PITPNM2: variants seen among roughly 807,000 people sequenced by gnomAD.
The protein encoded by PITPNM2 is phosphatidylinositol transfer protein membrane associated 2, also known as membrane-associated phosphatidylinositol transfer protein 2.
Under a neutral mutation model 132.2 loss-of-function variants are expected in PITPNM2, and 35 were observed. That is an observed-to-expected ratio of 0.26 (90% confidence interval 0.20 to 0.35). The LOEUF (loss-of-function observed/expected upper bound fraction) is 0.35. Among genes scored for constraint, PITPNM2 ranks in the 10% least tolerant of loss-of-function variants. The probability of loss-of-function intolerance (pLI) is 1.00; values close to 1 mark genes in which losing one functional copy is unlikely to be tolerated. For missense variants in PITPNM2, 1,332 were observed against 1,912.0 expected (o/e 0.70, Z 5.66); for synonymous variants, 738 against 799.2 (o/e 0.92, Z 1.29).
intron 2 of PITPNM2, among the ~76,000 whole-genome samples, chr12:123,056,950 T>C (rs1010719621): frequency 2.0e-5 from 3 of 152,150 alleles, no homozygotes; most frequent in Non-Finnish European, 4.4e-5. Context: ...AGGCCACCGA[T>C]CTGCTGCTCA....
Position 122,997,495 on chromosome 12 carries a change from G to A in PITPNM2, c.1302C>T (p.Ile434=), listed in dbSNP as rs1566236939. ...VLLLVLHGGT[I]LDTGAGDPSS... is the part of the protein sequence containing the mutation. ...TGGGGTCCCCGGCGCCTGTGTCCAG[G>A]ATGGTGCCTCCGTGCAGCACCAGTA... The change falls in exon 11 of 26, where the codon ATC becomes ATT. Residue 434 remains isoleucine (I), a synonymous_variant. Transcript: ENST00000320201. 6.2e-7 allele frequency: 1 copy of A among 1,613,552 alleles called. No homozygotes were observed. The highest frequency in any genetic ancestry group is 8.5e-7 in the Non-Finnish European group (1 of 1,180,018).
At chr12:123,119,444 G>A (rs573280835) in intron 1 of PITPNM2, among the ~76,000 whole-genome samples, 58 of 146,210 alleles carry the variant, frequency 4.0e-4, no homozygotes, top group Non-Finnish European at 7.3e-4. Flanking sequence ...TGCAAGCTCC[G>A]CCTCCCAGCT....
At chr12:123,007,071 G>A (rs922120142) in intron 6 of PITPNM2, among the ~76,000 whole-genome samples, 5 of 152,156 alleles carry the variant, frequency 3.3e-5, no homozygotes, top group Middle Eastern at 3.2e-3. Context: ...AGTTGGCCCC[G>A]AATTTTGCTT....
At chr12:123,129,306 C>T (rs1203875662) in intron 1 of PITPNM2, among the ~76,000 whole-genome samples, 1 of 151,918 alleles carries the variant, frequency 6.6e-6, no homozygotes, top group Non-Finnish European at 1.5e-5. Flanking sequence ...TGGTGGCTCA[C>T]GCCTGTAATC....
At chr12:123,086,675 A>T (rs1034949894) in intron 2 of PITPNM2, among the ~76,000 whole-genome samples, 1 of 152,222 alleles carries the variant, frequency 6.6e-6, no homozygotes, top group African/African-American at 2.4e-5. Flanking sequence ...CAGGACATAC[A>T]GCCAAGAGGT....
At position 122,995,673 on chromosome 12, in the gene PITPNM2, C is replaced by G; in HGVS notation, c.1783-13G>C. 2 of 1,572,514 alleles carry G rather than the reference C, an allele frequency of 1.3e-6. No homozygotes were observed. The highest frequency in any genetic ancestry group is 1.7e-6 in the Non-Finnish European group (2 of 1,162,498). ...GCAGGTCATTGTCCTGGAACGGCCC[C>G]GTGGAGGCTCACTGCCAGGTGGCCG... is the stretch of plus-strand genomic sequence containing the variant. On this transcript the variant is annotated splice_polypyrimidine_tract_variant and intron_variant, in intron 13 of 25. Transcript: ENST00000320201.
At chr12:123,094,988 C>T (rs1418170399) in intron 2 of PITPNM2, among the ~76,000 whole-genome samples, 14 of 152,330 alleles carry the variant, frequency 9.2e-5, no homozygotes, top group Admixed American at 3.3e-4. Context: ...TTCTGGGCTT[C>T]GTGGCGCACT....
chr12:123,013,922 T>C lies in PITPNM2; in HGVS notation c.199A>G (p.Met67Val), dbSNP rs746746318. Residue 67 changes from methionine (M) to valine (V), a missense_variant, in exon 4 of 26, where the codon ATG (methionine) becomes GTG (valine). By Grantham distance (21) the Met-to-Val change is conservative. This residue lies in a region of PITPNM2 where 83 missense variants were observed against 118.7 expected (regional missense o/e 0.70). Coordinates refer to ENST00000320201, the MANE Select transcript of PITPNM2 (RefSeq NM_020845.3). ...GAGCGGAACCAGCTGGGAATGTGCA[T>C]GCCCACATGATACACCTTGTGTGTG... is the stretch of plus-strand genomic sequence containing the variant. ...QYTHKVYHVG[M>V]HIPSWFRSIL... 1.2e-6 allele frequency: 2 copies of C among 1,614,160 alleles called. No homozygotes were observed. The highest frequency in any genetic ancestry group is 2.2e-5 in the East Asian group (1 of 44,904).
At chr12:123,049,906 CA>C (rs1331638016) in intron 2 of PITPNM2, among the ~76,000 whole-genome samples, 2 of 152,198 alleles carry the variant, frequency 1.3e-5, no homozygotes, top group Non-Finnish European at 2.9e-5. Context: ...CAAATGTTCA[CA>C]AAAAAACCCT....
intron 2 of PITPNM2, among the ~76,000 whole-genome samples, chr12:123,109,127 AC>A (rs2137312957): frequency 6.6e-6 from 1 of 151,854 alleles, no homozygotes; most frequent in Admixed American, 6.6e-5. Context: ...CATTAAACCT[AC>A]CCCCACCAGC....
In PITPNM2 at chr12:123,004,127, G is replaced by A. The variant is rs778448788; in HGVS notation, c.1048+267C>T. ...TATCCTTATTTGGGGTTTCAAGAGC[G>A]CAGTCCCCATCTGCCAGGCCCACAG... is the stretch of plus-strand genomic sequence containing the variant. On this transcript the variant is annotated intron_variant, in intron 8 of 25. Coordinates refer to ENST00000320201, the MANE Select transcript of PITPNM2 (RefSeq NM_020845.3). The surrounding 1 kb of genome is among the most constrained non-coding windows in gnomAD (Gnocchi z 4.9). Among the ~76,000 whole-genome samples the A allele has an allele frequency of 5.9e-5, 9 of 152,168 alleles. No homozygotes were observed. Among genetic ancestry groups the A allele is most frequent in the Non-Finnish European group, 1.0e-4 (7 of 68,026 alleles).
chr12:123,052,086 T>G (rs1013730945), intron 2 of PITPNM2, among the ~76,000 whole-genome samples: 7 of 147,676 alleles, frequency 4.7e-5, no homozygotes, highest in Admixed American at 6.7e-5. Context: ...TGTTTTTTTT[T>G]TTTTTTTTTT....
In PITPNM2 at chr12:122,996,438, C is replaced by T; in HGVS notation, c.1782+20G>A. On this transcript the variant is annotated intron_variant, in intron 13 of 25. Transcript: ENST00000320201. The stretch of plus-strand genomic sequence containing the variant: ...GGAGGCTTCAGGCCTTGGGGACTGT[C>T]TGGGCCCCCACTTGGGTACCTGCAT... 1 of 1,612,516 alleles carries T rather than the reference C, an allele frequency of 6.2e-7. No individual in the cohort carries two copies.
At chr12:123,050,393 C>T (rs2040819604) in intron 2 of PITPNM2, among the ~76,000 whole-genome samples, 1 of 152,174 alleles carries the variant, frequency 6.6e-6, no homozygotes, top group Non-Finnish European at 1.5e-5. Flanking sequence ...ACACAAAAGC[C>T]CAGAGGGACT....
Position 123,005,623 on chromosome 12 carries a change from G to A in PITPNM2, c.644-75C>T. 1 of 1,446,002 alleles carries A rather than the reference G, an allele frequency of 6.9e-7. No homozygotes were observed. The highest frequency in any genetic ancestry group is 9.4e-7 in the Non-Finnish European group (1 of 1,062,218). The allele number at this position is 1,446,002 out of a possible 1,614,324, so 89.6% of individuals were successfully genotyped here. ...CGCAGGAGCCTGCACGGAAGTGTGG[G>A]GCCCAGGCAGGGGCTTTGGGAGGCT... On this transcript the variant is annotated intron_variant, in intron 6 of 25. Transcript: ENST00000320201. The surrounding 1 kb of genome is among the most constrained non-coding windows in gnomAD (Gnocchi z 6.2).
intron 2 of PITPNM2, among the ~76,000 whole-genome samples, chr12:123,079,338 CTT>C (rs1291691077): frequency 9.4e-6 from 1 of 106,930 alleles, no homozygotes; most frequent in South Asian, 3.3e-4. Context: ...ACTTCTTTTT[CTT>C]TTTTCTTTTC....
intron 17 of PITPNM2, 106 bp from the exon 18 acceptor site, chr12:122,990,054 T>C: frequency 1.0e-6 from 1 of 988,794 alleles, no homozygotes; most frequent in African/African-American, 1.7e-5. Flanking sequence ...CCTGGAGCTA[T>C]CAAGGGCGAG....
Position 122,992,653 on chromosome 12 carries a change from C to G in PITPNM2, c.2250G>C (p.Pro750=), listed in dbSNP as rs778101863. 6.4e-7 allele frequency: 1 copy of G among 1,558,870 alleles called. No individual in the cohort carries two copies. Among genetic ancestry groups the G allele is most frequent in the Admixed American group, 1.8e-5 (1 of 55,226 alleles). ...AGAGGTTGTAGACTTGCTGGCAGGC[C>G]GGCCGCAGCTGGAAAACTGGGGGTG... ...IPALDVFQLR[P]ACQQVYNLFH... The change falls in exon 16 of 26, where the codon CCG becomes CCC. Residue 750 remains proline (P), a synonymous_variant. Transcript: ENST00000320201. The surrounding 1 kb of genome is among the most constrained non-coding windows in gnomAD (Gnocchi z 6.5).
At position 123,014,032 on chromosome 12, in the gene PITPNM2, C is replaced by T. The variant is rs575329414; in HGVS notation, c.89G>A (p.Arg30His). The T allele has an allele frequency of 5.6e-6, 9 of 1,614,242 alleles. No homozygotes were observed. Among genetic ancestry groups the T allele is most frequent in the Admixed American group, 1.7e-5 (1 of 60,030 alleles). The change falls in exon 4 of 26, where the codon CGT becomes CAT. Residue 30 changes from arginine to histidine, a missense_variant. Around this residue, in one of 6 missense-constraint regions of PITPNM2, gnomAD observed 83 missense variants for 118.7 expected, o/e 0.70. Coordinates refer to ENST00000320201, the MANE Select transcript of PITPNM2 (RefSeq NM_020845.3). ...AQLYMIQKKSRNETYGEGSGV... is the reference protein window; with the variant it reads ...AQLYMIQKKSHNETYGEGSGV... ...GCTGCCTTCGCCATATGTCTCGTTA[C>T]GGCTCTTCTTCTGTGGGGACAAAAG...
Sources: gnomAD v4.1 joint callset for allele counts (sites outside exome capture counted in the v4.1 genomes callset) on GRCh38, gnomAD v4.1.1 for gene constraint, gnomAD v4.1.1 regional missense constraint, Gnocchi (gnomAD v3.1) non-coding constraint, MANE v1.5 for transcripts, NCBI Gene and HGNC (gene_info 2026-07-23, HGNC 2026-07-21) for gene names.